Variants in MAK observed in about 807,000 individuals in gnomAD.
The protein encoded by MAK is serine/threonine-protein kinase MAK.
A neutral mutation model predicts 82.6 loss-of-function variants in MAK; 65 were observed. The ratio of observed to expected loss-of-function variants is 0.79; its 90% CI spans 0.64 to 0.97. The LOEUF is 0.97. MAK is among the 50% of genes least tolerant of loss of function. The probability of loss-of-function intolerance (pLI) is 0.00; values close to 1 mark genes in which losing one functional copy is unlikely to be tolerated. For synonymous variants in MAK, 250 were observed against 274.2 expected (o/e 0.91, Z 0.87); for missense variants, 703 against 780.2 (o/e 0.90, Z 1.18).
intron 2 of MAK, among the ~76,000 whole-genome samples, chr6:10,829,486 A>T (rs904731542): frequency 5.3e-5 from 8 of 152,164 alleles, no homozygotes. Context: ...AGCTTGCTTG[A>T]GCCTGGGAAG....
chr6:10,803,263 G>A (rs1156405257), intron 7 of MAK, among the ~76,000 whole-genome samples: 2 of 152,148 alleles, frequency 1.3e-5, no homozygotes, highest in African/African-American at 4.8e-5. Flanking sequence ...ACAGCCGGGC[G>A]TGGTGGCTCA....
chr6:10,766,721 G>GC (rs140016149), intron 14 of MAK, among the ~76,000 whole-genome samples: 1,573 of 152,270 alleles, frequency 0.01, 22 homozygotes, highest in African/African-American at 0.035. Flanking sequence ...GAGGCAATAA[G>GC]CCCCGCTTAT....
At chr6:10,804,493 C>T (rs192902375) in intron 6 of MAK, among the ~76,000 whole-genome samples, 1 of 152,330 alleles carries the variant, frequency 6.6e-6, no homozygotes, top group Non-Finnish European at 1.5e-5. Flanking sequence ...CAGGGGCACA[C>T]CACCATGCCC....
chr6:10,775,728 G>C (rs1408427508), intron 11 of MAK, among the ~76,000 whole-genome samples: 2 of 152,052 alleles, frequency 1.3e-5, no homozygotes, highest in African/African-American at 2.4e-5. Context: ...TCTTGCTAAG[G>C]GTCTTGTAAA....
intron 11 of MAK, among the ~76,000 whole-genome samples, chr6:10,782,395 C>A (rs1774080007): frequency 6.6e-6 from 1 of 152,138 alleles, no homozygotes; most frequent in African/African-American, 2.4e-5. Context: ...CAGCACAGGA[C>A]TGCAGTCCTA....
At chr6:10,799,423 A>T (rs1242167513) in intron 8 of MAK, among the ~76,000 whole-genome samples, 1 of 152,084 alleles carries the variant, frequency 6.6e-6, no homozygotes, top group South Asian at 2.1e-4. Flanking sequence ...AAAACTTATT[A>T]TGTCTTTATT....
At chr6:10,828,191 T>C (rs1488307361) in intron 2 of MAK, among the ~76,000 whole-genome samples, 1 of 152,254 alleles carries the variant, frequency 6.6e-6, no homozygotes, top group Non-Finnish European at 1.5e-5. Flanking sequence ...TAGATCATAA[T>C]ATTTTAAAAC....
chr6:10,827,612 A>G (rs1343867232), intron 2 of MAK: 1 of 152,222 alleles, frequency 6.6e-6, no homozygotes, highest in African/African-American at 2.4e-5. Context: ...ATTCACATTA[A>G]TATGAATTAT....
chr6:10,770,936 G>A (rs898291922), intron 13 of MAK, among the ~76,000 whole-genome samples: 1 of 152,128 alleles, frequency 6.6e-6, no homozygotes, highest in African/African-American at 2.4e-5. Flanking sequence ...AGGGAACTAA[G>A]CAGGTTCACG....
intron 6 of MAK, among the ~76,000 whole-genome samples, chr6:10,808,113 T>C (rs1471092916): frequency 6.6e-6 from 1 of 152,128 alleles, no homozygotes; most frequent in Non-Finnish European, 1.5e-5. Flanking sequence ...AGGCCCCTTG[T>C]GCACTAGTCC....
intron 1 of MAK, chr6:10,838,156 A>C (rs1645328636): frequency 6.6e-6 from 1 of 152,366 alleles, no homozygotes; most frequent in South Asian, 2.1e-4. Context: ...AGGAGAGTTT[A>C]GGGGCGGGGG....
chr6:10,826,964 A>G (rs531570715), intron 2 of MAK, among the ~76,000 whole-genome samples: 1 of 152,248 alleles, frequency 6.6e-6, no homozygotes, highest in East Asian at 1.9e-4. Context: ...ATGCAAAATT[A>G]GCCAGGCGTG....
At chr6:10,827,512 G>A (rs1391765822) in intron 2 of MAK, among the ~76,000 whole-genome samples, 1 of 152,142 alleles carries the variant, frequency 6.6e-6, no homozygotes, top group African/African-American at 2.4e-5. Context: ...CAGCAGGACT[G>A]CTAGCAGGCA....
At chr6:10,769,539 G>C (rs1772796193) in intron 14 of MAK, among the ~76,000 whole-genome samples, 1 of 152,224 alleles carries the variant, frequency 6.6e-6, no homozygotes, top group East Asian at 1.9e-4. Context: ...GGGTGTGAAA[G>C]TCCTGCCACC....
chr6:10,794,112 T>C (rs1374533948), intron 9 of MAK, among the ~76,000 whole-genome samples: 1 of 152,210 alleles, frequency 6.6e-6, no homozygotes, highest in Non-Finnish European at 1.5e-5. Context: ...TTCAAATATC[T>C]AAAAGGCTGC....
At chr6:10,774,131 C>T (rs1161984434) in intron 12 of MAK, among the ~76,000 whole-genome samples, 2 of 152,046 alleles carry the variant, frequency 1.3e-5, no homozygotes, top group Non-Finnish European at 2.9e-5. Context: ...CCTCAGCTTC[C>T]AAATTTTATC....
intron 5 of MAK, among the ~76,000 whole-genome samples, chr6:10,809,954 C>T (rs1208680386): frequency 2.0e-5 from 3 of 151,796 alleles, no homozygotes; most frequent in Non-Finnish European, 4.4e-5. Flanking sequence ...CAAAATTAGC[C>T]GGGCATGGTG....
intron 2 of MAK, among the ~76,000 whole-genome samples, chr6:10,820,713 A>G (rs1777882826): frequency 6.6e-6 from 1 of 152,220 alleles, no homozygotes; most frequent in African/African-American, 2.4e-5. Flanking sequence ...TTACTCAGGT[A>G]CTAGATATTT....
chr6:10,767,305 G>A (rs1172350619), intron 14 of MAK, among the ~76,000 whole-genome samples: 3 of 152,118 alleles, frequency 2.0e-5, no homozygotes, highest in African/African-American at 7.2e-5. Context: ...AGTACCTCCT[G>A]GAATACAGCC....
Sources: allele counts gnomAD v4.1 joint callset (sites outside exome capture counted in the v4.1 genomes callset), GRCh38; gene constraint gnomAD v4.1.1; transcripts MANE v1.5; gene names NCBI Gene and HGNC (gene_info 2026-07-23, HGNC 2026-07-21).